SMIM35: variants seen among roughly 807,000 people sequenced by gnomAD.
SMIM35 encodes the protein TMPRSS4 antisense RNA 1 (non-protein coding).
At chr11:118,060,832 C>T (rs1402753701) in intron 1 of SMIM35, among the ~76,000 whole-genome samples, 2 of 152,242 alleles carry the variant, frequency 1.3e-5, no homozygotes, top group African/African-American at 4.8e-5. Flanking sequence ...TCATCCCTCC[C>T]ACATGGCTGC....
At chr11:118,073,056 T>G (rs1003441011) in intron 1 of SMIM35, among the ~76,000 whole-genome samples, 1 of 152,226 alleles carries the variant, frequency 6.6e-6, no homozygotes, top group Non-Finnish European at 1.5e-5. Context: ...TAGCTGGGAT[T>G]ACAGGCACCC....
At chr11:118,086,386 C>G (rs1333160041) in intron 1 of SMIM35, among the ~76,000 whole-genome samples, 2 of 152,210 alleles carry the variant, frequency 1.3e-5, no homozygotes, top group Non-Finnish European at 2.9e-5. Flanking sequence ...TAGGTCAGCA[C>G]CTATGTGGTT....
At chr11:118,049,196 C>T (rs1389713646) in intron 1 of SMIM35, among the ~76,000 whole-genome samples, 1 of 151,940 alleles carries the variant, frequency 6.6e-6, no homozygotes, top group Non-Finnish European at 1.5e-5. Flanking sequence ...CCACACAGAG[C>T]CAGAGAGGGG....
intron 1 of SMIM35, among the ~76,000 whole-genome samples, chr11:118,055,863 C>T (rs1177366771): frequency 6.6e-6 from 1 of 152,016 alleles, no homozygotes; most frequent in Non-Finnish European, 1.5e-5. Flanking sequence ...GTAATCTGTG[C>T]TATAAGAGGT....
At chr11:118,056,839 C>T (rs1043574077) in intron 1 of SMIM35, among the ~76,000 whole-genome samples, 5 of 152,248 alleles carry the variant, frequency 3.3e-5, no homozygotes, top group East Asian at 3.9e-4. Flanking sequence ...GAAGTAGCAA[C>T]GGAGGTCATC....
rs148404655 is a variant in SMIM35, at chr11:118,037,378, TC to T, written c.8-21570del. Among the ~76,000 whole-genome samples the T allele has an allele frequency of 1.5e-3, 233 of 152,188 alleles. 2 individuals are homozygous for T. The highest frequency in any genetic ancestry group is 5.4e-3 in the African/African-American group (224 of 41,516). Reference sequence around the variant, plus strand: ...TTAACAAGGAGGTTAAGATACAGGGTCCAAAGAGGAGTAACAATATTATAGC... The same window carrying T: ...TTAACAAGGAGGTTAAGATACAGGGTCAAAGAGGAGTAACAATATTATAGC... On this transcript the variant is annotated intron_variant, in intron 1 of 4. Transcript: ENST00000689828.
At chr11:118,014,595 T>G (rs951699639) in intron 3 of SMIM35, 113 bp downstream of exon 3, 1 of 398,318 alleles carries the variant, frequency 2.5e-6, no homozygotes, top group Middle Eastern at 6.3e-4. Flanking sequence ...CTTAGGGGCA[T>G]GAACAGAAGA....
intron 1 of SMIM35, among the ~76,000 whole-genome samples, chr11:118,076,659 G>T (rs1944699928): frequency 6.6e-6 from 1 of 152,044 alleles, no homozygotes; most frequent in East Asian, 1.9e-4. Flanking sequence ...CCTAAGAGAA[G>T]AAACTCCCTC....
intron 1 of SMIM35, among the ~76,000 whole-genome samples, chr11:118,067,716 C>T (rs970406222): frequency 6.6e-6 from 1 of 150,970 alleles, no homozygotes; most frequent in African/African-American, 2.4e-5. Flanking sequence ...GCCTATAGTT[C>T]AACTTCTCGG....
chr11:118,021,096 G>A (rs1456263180), intron 1 of SMIM35, among the ~76,000 whole-genome samples: 2 of 149,648 alleles, frequency 1.3e-5, no homozygotes, highest in Non-Finnish European at 2.9e-5. Context: ...TAGAATTATG[G>A]CTGGTATAAG....
chr11:118,038,475 T>G (rs1213871505), intron 1 of SMIM35, among the ~76,000 whole-genome samples: 1 of 152,204 alleles, frequency 6.6e-6, no homozygotes, highest in Admixed American at 6.5e-5. Context: ...TGCAAGCAAG[T>G]TTGCCATAAC....
chr11:118,035,510 G>T (rs746720672), intron 1 of SMIM35, among the ~76,000 whole-genome samples: 1 of 152,132 alleles, frequency 6.6e-6, no homozygotes, highest in Non-Finnish European at 1.5e-5. Context: ...GCTCAAAAAC[G>T]TATGTTCTAT....
intron 1 of SMIM35, among the ~76,000 whole-genome samples, chr11:118,027,069 G>T (rs112473236): frequency 8.2e-6 from 1 of 122,054 alleles, no homozygotes; most frequent in African/African-American, 3.1e-5. Context: ...CGCCCAGGCC[G>T]GACTGCGGAC....
At chr11:118,019,157 T>C (rs1192871282) in intron 1 of SMIM35, among the ~76,000 whole-genome samples, 1 of 152,186 alleles carries the variant, frequency 6.6e-6, no homozygotes, top group Non-Finnish European at 1.5e-5. Context: ...GTTTTACATG[T>C]TTTCAAACTT....
At chr11:118,062,230 C>T (rs1353424197) in intron 1 of SMIM35, among the ~76,000 whole-genome samples, 1 of 152,094 alleles carries the variant, frequency 6.6e-6, no homozygotes, top group African/African-American at 2.4e-5. Flanking sequence ...CTTGGGAGGC[C>T]GAGGCAGGAG....
intron 1 of SMIM35, among the ~76,000 whole-genome samples, chr11:118,065,858 C>T (rs550694186): frequency 6.6e-6 from 1 of 152,106 alleles, no homozygotes; most frequent in Non-Finnish European, 1.5e-5. Context: ...ATTCTTTGTT[C>T]GAAGCACAAA....
At chr11:118,025,049 G>A (rs911680731) in intron 1 of SMIM35, among the ~76,000 whole-genome samples, 5 of 152,074 alleles carry the variant, frequency 3.3e-5, no homozygotes, top group Admixed American at 1.3e-4. Context: ...GTTAATCTAC[G>A]TAGGATAATG....
chr11:118,031,559 T>G (rs2058319911), intron 1 of SMIM35, among the ~76,000 whole-genome samples: 1 of 152,128 alleles, frequency 6.6e-6, no homozygotes, highest in Non-Finnish European at 1.5e-5. Context: ...TGATTTGATA[T>G]TTGAGTATCA....
intron 4 of SMIM35, among the ~76,000 whole-genome samples, chr11:118,013,344 C>T (rs1441029360): frequency 6.6e-6 from 1 of 152,170 alleles, no homozygotes; most frequent in African/African-American, 2.4e-5. Context: ...AGTTGGCGGG[C>T]CATGAAGCAG....
Sources: allele counts gnomAD v4.1 joint callset (sites outside exome capture counted in the v4.1 genomes callset), GRCh38; gene constraint gnomAD v4.1.1; transcripts MANE v1.5; gene names NCBI Gene and HGNC (gene_info 2026-07-23, HGNC 2026-07-21).